The following STPG1 variants were observed in gnomAD, a reference collection of about 807,000 sequenced individuals.
The protein encoded by STPG1 is O(6)-methylguanine-induced apoptosis 2.
STPG1 carries 33 observed loss-of-function variants against 40.1 expected under a neutral mutation model. The observed-to-expected ratio is 0.82, with a 90% CI of 0.62 to 1.10. The LOEUF is 1.10. Ranked by LOEUF, STPG1 falls within the 50% of genes least tolerant of loss-of-function variation. STPG1 has a pLI of 0.00. For missense variants in STPG1, 396 were observed against 415.1 expected (o/e 0.95, Z 0.40); for synonymous variants, 150 against 155.0 (o/e 0.97, Z 0.24).
In STPG1 at chr1:24,360,942, G is replaced by A; in HGVS notation, c.837C>T (p.Gly279=). The change falls in exon 8 of 9, where the codon GGC becomes GGT. Residue 279 remains glycine (G), a synonymous_variant. Coordinates refer to ENST00000337248, the MANE Select transcript of STPG1 (RefSeq NM_001199013.2). ...CACTAGAGATGAAATGCTTGCGGGG[G>A]CCTAAGTAGTCCACGATCTCATACT... ...PGQYEIVDYL[G]PRKHFISSAS... is the part of the protein sequence containing the mutation. 2 of 1,614,094 alleles carry A rather than the reference G, an allele frequency of 1.2e-6. No homozygotes were observed. Among genetic ancestry groups the A allele is most frequent in the Non-Finnish European group, 1.7e-6 (2 of 1,180,004 alleles).
chr1:24,378,106 A>C (rs1642114213), intron 5 of STPG1, among the ~76,000 whole-genome samples: 1 of 150,688 alleles, frequency 6.6e-6, no homozygotes, highest in Non-Finnish European at 1.5e-5. Flanking sequence ...CACAGGTTGC[A>C]TGTGGCTATT....
At chr1:24,369,008 C>A in intron 7 of STPG1, 1 of 188,504 alleles carries the variant, frequency 5.3e-6, no homozygotes, top group Non-Finnish European at 1.1e-5. Context: ...CCCAGCCAAA[C>A]ATGTATTTTT....
intron 2 of STPG1, among the ~76,000 whole-genome samples, chr1:24,398,736 C>T (rs933037348): frequency 6.6e-6 from 1 of 151,860 alleles, no homozygotes; most frequent in Non-Finnish European, 1.5e-5. Flanking sequence ...TTTAAAATTA[C>T]CATTTATAAC....
At chr1:24,377,694 C>T (rs924499732) in intron 5 of STPG1, among the ~76,000 whole-genome samples, 1 of 152,138 alleles carries the variant, frequency 6.6e-6, no homozygotes, top group Non-Finnish European at 1.5e-5. Context: ...CTGAATTCCC[C>T]ACTGGAATCT....
chr1:24,394,612 A>G (rs1642913925), intron 2 of STPG1, among the ~76,000 whole-genome samples: 1 of 152,222 alleles, frequency 6.6e-6, no homozygotes, highest in African/African-American at 2.4e-5. Flanking sequence ...AAGACTGAAC[A>G]TATTAAGTAG....
intron 6 of STPG1, among the ~76,000 whole-genome samples, chr1:24,372,666 G>A (rs1368222853): frequency 6.6e-6 from 1 of 152,206 alleles, no homozygotes; most frequent in East Asian, 1.9e-4. Flanking sequence ...AATTAGCGCT[G>A]GTTTTGTTAT....
chr1:24,374,910 G>A (rs1641951246), intron 5 of STPG1, among the ~76,000 whole-genome samples: 1 of 152,204 alleles, frequency 6.6e-6, no homozygotes, highest in Admixed American at 6.5e-5. Flanking sequence ...ACAGGCGTGA[G>A]CCACTGCACC....
At chr1:24,395,464 G>A (rs984306875) in intron 2 of STPG1, among the ~76,000 whole-genome samples, 3 of 124,282 alleles carry the variant, frequency 2.4e-5, no homozygotes, top group African/African-American at 3.2e-5. Flanking sequence ...ACGGAGTCTC[G>A]TTCTTGCGCC....
intron 3 of STPG1, among the ~76,000 whole-genome samples, chr1:24,389,720 G>A (rs1642679297): frequency 6.6e-6 from 1 of 152,176 alleles, no homozygotes; most frequent in Non-Finnish European, 1.5e-5. Context: ...ATATCCTGGA[G>A]AGGGACAATA....
chr1:24,376,715 C>T (rs1438622638), intron 5 of STPG1, among the ~76,000 whole-genome samples: 1 of 152,144 alleles, frequency 6.6e-6, no homozygotes, highest in African/African-American at 2.4e-5. Flanking sequence ...CCTTCAGCTA[C>T]AACCGGGAGG....
chr1:24,409,110 G>A (rs997282507), intron 1 of STPG1, among the ~76,000 whole-genome samples: 1 of 152,178 alleles, frequency 6.6e-6, no homozygotes, highest in African/African-American at 2.4e-5. Flanking sequence ...GGTCACTCCT[G>A]TAATCCCAGC....
At chr1:24,370,892 A>T (rs1343278736) in intron 6 of STPG1, among the ~76,000 whole-genome samples, 3 of 151,940 alleles carry the variant, frequency 2.0e-5, no homozygotes, top group African/African-American at 7.3e-5. Context: ...AAGTGCTAGG[A>T]CTACAGGTGT....
At chr1:24,362,556 G>GT (rs1259691474) in intron 7 of STPG1, among the ~76,000 whole-genome samples, 6 of 152,230 alleles carry the variant, frequency 3.9e-5, no homozygotes, top group Admixed American at 1.3e-4. Flanking sequence ...CAGAGAAAAG[G>GT]TATGTAAAGC....
chr1:24,392,087 T>C, intron 2 of STPG1: 2 of 992,526 alleles, frequency 2.0e-6, no homozygotes, highest in Non-Finnish European at 2.4e-6. Context: ...GACACCAGCA[T>C]TAGGCCGTTA....
chr1:24,411,064 C>T (rs1486072783), intron 1 of STPG1, among the ~76,000 whole-genome samples: 1 of 152,132 alleles, frequency 6.6e-6, no homozygotes, highest in Admixed American at 6.5e-5. Flanking sequence ...TTAACACTGC[C>T]TATCCTGCAG....
In STPG1 at chr1:24,391,712, A is replaced by G. The variant is rs1365606748; in HGVS notation, c.71-33T>C. 4 of 1,419,768 alleles carry G rather than the reference A, an allele frequency of 2.8e-6. No homozygotes were observed. The South Asian group carries it at 5.1e-5, about 18-fold the overall frequency. 87.9% of individuals were successfully genotyped at this position (1,419,768 alleles called of 1,614,324 possible). A position where few individuals can be genotyped will look rare whatever the true frequency, so the allele number is the denominator to read the frequency against. On this transcript the variant is annotated intron_variant, in intron 2 of 8. Coordinates refer to ENST00000337248, the MANE Select transcript of STPG1 (RefSeq NM_001199013.2). ...ACAAAAATGGAGTAAAATCAAAATG[A>G]ATACAAAACAATGATTGACAAATGT...
At position 24,401,428 on chromosome 1, in the gene STPG1, A is replaced by G. The variant is rs1402144573; in HGVS notation, c.-40T>C. ...GTGACGTGTTCCATTTGTTTGATGAAAAGTTCTACTGCATGTTCTCCTAAG... is the reference window on the plus strand; with the variant it reads ...GTGACGTGTTCCATTTGTTTGATGAGAAGTTCTACTGCATGTTCTCCTAAG... On this transcript the variant is annotated 5_prime_UTR_variant, in exon 2 of 9. Transcript: ENST00000337248. 6.3e-7 allele frequency: 1 copy of G among 1,577,162 alleles called. No individual in the cohort carries two copies. The highest frequency in any genetic ancestry group is 1.1e-5 in the South Asian group (1 of 89,752).
chr1:24,369,288 A>G (rs776665022), intron 7 of STPG1: 12 of 460,482 alleles, frequency 2.6e-5, no homozygotes, highest in Non-Finnish European at 5.3e-5. Flanking sequence ...GCACCAGGGG[A>G]ATCCAGCATC....
At chr1:24,387,616 T>G (rs1642571421) in intron 3 of STPG1, among the ~76,000 whole-genome samples, 1 of 152,184 alleles carries the variant, frequency 6.6e-6, no homozygotes, top group South Asian at 2.1e-4. Context: ...AGGATCATTA[T>G]CTGAAAAGTA....
Sources: gnomAD v4.1 joint callset for allele counts (sites outside exome capture counted in the v4.1 genomes callset) on GRCh38, gnomAD v4.1.1 for gene constraint, MANE v1.5 for transcripts, NCBI Gene and HGNC (gene_info 2026-07-23, HGNC 2026-07-21) for gene names.